The following DSCAM variants were observed in gnomAD, a reference collection of about 807,000 sequenced individuals.
DSCAM encodes the protein DS cell adhesion molecule.
A neutral mutation model predicts 217.7 loss-of-function variants in DSCAM; 47 were observed. That is an observed-to-expected ratio of 0.22 (90% CI 0.17 to 0.28). The LOEUF (loss-of-function observed/expected upper bound fraction) is 0.28. Among genes scored for constraint, DSCAM ranks in the 10% least tolerant of loss-of-function variants. DSCAM has a pLI of 1.00. For missense variants in DSCAM, 2,080 were observed against 2,618.3 expected (o/e 0.79, Z 4.49); for synonymous variants, 1,056 against 1,015.3 (o/e 1.04, Z -0.76).
intron 3 of DSCAM, among the ~76,000 whole-genome samples, chr21:40,648,454 C>G (rs1302669924): frequency 1.3e-5 from 2 of 152,092 alleles, no homozygotes; most frequent in Admixed American, 6.5e-5. Context: ...CCTAGGCAGA[C>G]AGTGGTGGGT....
At chr21:40,789,511 C>G (rs1358170159) in intron 1 of DSCAM, among the ~76,000 whole-genome samples, 1 of 151,448 alleles carries the variant, frequency 6.6e-6, no homozygotes, top group Non-Finnish European at 1.5e-5. Flanking sequence ...GATAAGCTGC[C>G]TAGGTAATTA....
intron 3 of DSCAM, among the ~76,000 whole-genome samples, chr21:40,655,618 T>C (rs1377623985): frequency 6.6e-6 from 1 of 151,246 alleles, no homozygotes; most frequent in Admixed American, 6.6e-5. Context: ...AATTTTTTTC[T>C]TTTTTTTTAA....
intron 11 of DSCAM, among the ~76,000 whole-genome samples, chr21:40,260,067 T>C (rs1187440096): frequency 6.6e-6 from 1 of 152,138 alleles, no homozygotes; most frequent in Non-Finnish European, 1.5e-5. Context: ...TCCTGTGTAG[T>C]CCTTCAGGTT....
intron 3 of DSCAM, among the ~76,000 whole-genome samples, chr21:40,512,040 G>A (rs1020883802): frequency 5.4e-5 from 8 of 147,676 alleles, no homozygotes; most frequent in Admixed American, 2.7e-4. Context: ...GCTTTTGGGG[G>A]AAACACTTGC....
intron 1 of DSCAM, among the ~76,000 whole-genome samples, chr21:40,817,859 G>A (rs1252430129): frequency 6.6e-6 from 1 of 151,652 alleles, no homozygotes; most frequent in African/African-American, 2.4e-5. Context: ...CACTTTGGGA[G>A]GCCGAGGCGG....
chr21:40,520,721 C>G (rs974795721), intron 3 of DSCAM, among the ~76,000 whole-genome samples: 9 of 152,110 alleles, frequency 5.9e-5, no homozygotes, highest in Non-Finnish European at 1.3e-4. Context: ...GCAGGAGAAT[C>G]GCTTGAACCT....
chr21:40,500,974 T>G (rs935213745), intron 3 of DSCAM, among the ~76,000 whole-genome samples: 10 of 152,156 alleles, frequency 6.6e-5, no homozygotes, highest in African/African-American at 1.9e-4. Context: ...GCTTCTCTTT[T>G]TAAAGAGAGC....
At chr21:40,539,275 C>T (rs1247640780) in intron 3 of DSCAM, among the ~76,000 whole-genome samples, 3 of 151,988 alleles carry the variant, frequency 2.0e-5, no homozygotes, top group Non-Finnish European at 2.9e-5. Flanking sequence ...GAGGCTGAGG[C>T]GGGCGGATCA....
Position 40,074,973 on chromosome 21 carries a change from T to G in DSCAM, c.4888+64A>C, listed in dbSNP as rs2089343242. ...TTTGAGGTTTGTTCTCCAGCTGGCA[T>G]CTCTCCCATTGGCTGCAGAGCAGCA... On this transcript the variant is annotated intron_variant, in intron 27 of 32. Transcript: ENST00000400454. 11 of 1,547,122 alleles carry G rather than the reference T, an allele frequency of 7.1e-6. No homozygotes were observed. The South Asian group carries it at 1.3e-4, about 18-fold the overall frequency.
At chr21:40,504,947 C>A (rs2076198657) in intron 3 of DSCAM, among the ~76,000 whole-genome samples, 1 of 152,130 alleles carries the variant, frequency 6.6e-6, no homozygotes. Flanking sequence ...CTCATGTCTG[C>A]CTCTGAGGCT....
At position 40,030,159 on chromosome 21, in the gene DSCAM, G is replaced by A. The variant is rs73360096; in HGVS notation, c.5686+12212C>T. Among the ~76,000 whole-genome samples, 1,381 of 152,256 alleles carry A rather than the reference G, an allele frequency of 9.1e-3. 25 individuals are homozygous for A. The highest frequency in any genetic ancestry group is 0.029 in the African/African-American group (1,217 of 41,538). On this transcript the variant is annotated intron_variant, in intron 32 of 32. Transcript: ENST00000400454. The stretch of plus-strand genomic sequence containing the variant: ...ACACATTCTCACTGCACTGCTCTGC[G>A]TTCCACCCTTCTAGAGGAAGGCTTG...
chr21:40,389,458 ATAG>A (rs1376486165), intron 3 of DSCAM, among the ~76,000 whole-genome samples: 1 of 152,196 alleles, frequency 6.6e-6, no homozygotes, highest in Non-Finnish European at 1.5e-5. Flanking sequence ...CAGTACCACA[ATAG>A]ATTATAGAAA....
chr21:40,414,836 A>G (rs1263457617), intron 3 of DSCAM, among the ~76,000 whole-genome samples: 2 of 152,230 alleles, frequency 1.3e-5, no homozygotes, highest in Admixed American at 6.5e-5. Flanking sequence ...TCTAAAAGCT[A>G]AAAAGATAAT....
At chr21:40,331,984 G>A (rs986338679) in intron 8 of DSCAM, among the ~76,000 whole-genome samples, 12 of 151,944 alleles carry the variant, frequency 7.9e-5, no homozygotes, top group African/African-American at 1.7e-4. Flanking sequence ...GACCAACCCC[G>A]CCATCCAAAG....
intron 3 of DSCAM, among the ~76,000 whole-genome samples, chr21:40,620,093 A>C (rs1420511462): frequency 9.0e-6 from 1 of 111,268 alleles, no homozygotes; most frequent in Non-Finnish European, 1.8e-5. Flanking sequence ...AGAAAGAGAG[A>C]GAAAGAGAGA....
At chr21:40,101,788 G>GC in intron 20 of DSCAM, among the ~76,000 whole-genome samples, 1 of 151,368 alleles carries the variant, frequency 6.6e-6, no homozygotes, top group Non-Finnish European at 1.5e-5. Flanking sequence ...GGAGGTGGTG[G>GC]GGGGGGGTCC....
chr21:40,784,241 C>T (rs758801568), intron 1 of DSCAM, among the ~76,000 whole-genome samples: 12 of 152,112 alleles, frequency 7.9e-5, no homozygotes, highest in Non-Finnish European at 1.5e-4. Context: ...ATCATGGGGG[C>T]GGTTTCCCCT....
chr21:40,674,620 CTTTTTCTTTT>C (rs1185016095), intron 3 of DSCAM, among the ~76,000 whole-genome samples: 1 of 100,574 alleles, frequency 9.9e-6, no homozygotes, highest in African/African-American at 3.5e-5. Flanking sequence ...TTTTCTTTTT[CTTTTTCTTTT>C]TCTTTTTTTT....
chr21:40,489,372 C>A (rs1199815557), intron 3 of DSCAM, among the ~76,000 whole-genome samples: 1 of 152,186 alleles, frequency 6.6e-6, no homozygotes, highest in African/African-American at 2.4e-5. Flanking sequence ...ACTTAAACTG[C>A]AACATTTGCT....
Sources: gnomAD v4.1 joint callset for allele counts (sites outside exome capture counted in the v4.1 genomes callset) on GRCh38, gnomAD v4.1.1 for gene constraint, MANE v1.5 for transcripts, NCBI Gene and HGNC (gene_info 2026-07-23, HGNC 2026-07-21) for gene names.